Variants in EMILIN2 observed in about 807,000 individuals in gnomAD.
EMILIN2 encodes elastin microfibril interfacer 2.
Under a neutral mutation model 87.1 loss-of-function variants are expected in EMILIN2, and 71 were observed. The observed-to-expected ratio is 0.82, with a 90% CI of 0.67 to 0.99. EMILIN2 has a LOEUF of 0.99. Ranked by LOEUF, EMILIN2 falls within the 50% of genes least tolerant of loss-of-function variation. The pLI is 0.00. For missense variants in EMILIN2, 1,407 were observed against 1,371.8 expected (o/e 1.03, Z -0.40); for synonymous variants, 581 against 563.4 (o/e 1.03, Z -0.44).
At chr18:2,903,214 C>T (rs2076896034) in intron 4 of EMILIN2, among the ~76,000 whole-genome samples, 1 of 151,774 alleles carries the variant, frequency 6.6e-6, no homozygotes, top group Non-Finnish European at 1.5e-5. Flanking sequence ...GGCGTGTGCC[C>T]TGGGAGGCAG....
At chr18:2,912,959 A>T in intron 7 of EMILIN2, 108 bp from the exon 8 acceptor site, 1 of 1,150,786 alleles carries the variant, frequency 8.7e-7, no homozygotes, top group South Asian at 1.4e-5. Flanking sequence ...GGGAAGACAG[A>T]GATGGCTGGT....
intron 2 of EMILIN2, among the ~76,000 whole-genome samples, chr18:2,862,875 A>G (rs1422255665): frequency 6.6e-6 from 1 of 152,126 alleles, no homozygotes; most frequent in African/African-American, 2.4e-5. Flanking sequence ...TTTGAAATCT[A>G]TTAATTATTG....
chr18:2,887,118 A>G (rs1484759794), intron 3 of EMILIN2, among the ~76,000 whole-genome samples: 1 of 152,160 alleles, frequency 6.6e-6, no homozygotes, highest in African/African-American at 2.4e-5. Flanking sequence ...TTTTTATTCT[A>G]GCTTCAGAAA....
chr18:2,899,266 C>CA (rs2076877494), intron 4 of EMILIN2, among the ~76,000 whole-genome samples: 1 of 151,962 alleles, frequency 6.6e-6, no homozygotes, highest in South Asian at 2.1e-4. Context: ...AAGCTGTGCC[C>CA]AAAAAGAAAG....
intron 5 of EMILIN2, 102 bp downstream of exon 5, chr18:2,907,187 T>C: frequency 8.6e-7 from 1 of 1,163,304 alleles, no homozygotes. Flanking sequence ...GGTCCAGCCT[T>C]CGGGGGGGCA....
Position 2,848,071 on chromosome 18 carries a change from C to T in EMILIN2, c.257+140C>T. On this transcript the variant is annotated intron_variant, in intron 2 of 7. Transcript: ENST00000254528. The surrounding 1 kb of genome is among the most constrained non-coding windows in gnomAD (Gnocchi z 4.1). ...GAAAAGCCCGCAGCGGAAAAGCGCT[C>T]CGAGCGCTCGCGGGGCACCGGCCAC... 8.5e-7 allele frequency: 1 copy of T among 1,182,758 alleles called. No individual in the cohort carries two copies. Among genetic ancestry groups the T allele is most frequent in the South Asian group, 1.6e-5 (1 of 61,552 alleles). 73.3% of individuals were successfully genotyped at this position (1,182,758 alleles called of 1,614,324 possible).
chr18:2,860,999 A>AT (rs2076658231), intron 2 of EMILIN2, among the ~76,000 whole-genome samples: 1 of 152,034 alleles, frequency 6.6e-6, no homozygotes, highest in African/African-American at 2.4e-5. Context: ...GATGATGAGC[A>AT]TTTTTTCATG....
rs573661330 is a variant in EMILIN2, at chr18:2,902,571, G to A, written c.2360-4212G>A. The stretch of plus-strand genomic sequence containing the variant: ...TCAGGGGTGCACATGGTAAAGGCAC[G>A]AAGCCAGGGAAGTCACATGAGAGCT... On this transcript the variant is annotated intron_variant, in intron 4 of 7. Transcript: ENST00000254528. 4.2e-4 allele frequency among the ~76,000 whole-genome samples: 64 copies of A among 152,304 alleles called. 1 individual carries two copies. In the Middle Eastern group the frequency reaches 0.01, roughly 24 times the overall value.
At chr18:2,856,117 GTA>G (rs1302795477) in intron 2 of EMILIN2, among the ~76,000 whole-genome samples, 1 of 152,156 alleles carries the variant, frequency 6.6e-6, no homozygotes, top group Non-Finnish European at 1.5e-5. Flanking sequence ...GTATGTTCCT[GTA>G]ATTCCAGCTA....
At position 2,913,167 on chromosome 18, in the gene EMILIN2, C is replaced by T; in HGVS notation, c.2925C>T (p.Ala975=). The change falls in exon 8 of 8, where the codon GCC becomes GCT. Residue 975 remains alanine (A), a synonymous_variant. Transcript: ENST00000254528. ...AAGCAGTGCTGTCGGTCTCCAACGC[C>T]AGCGTGGCCCAGCTGCATACCGCTG... ...YVEAVLSVSN[A]SVAQLHTAGY... 6.2e-7 allele frequency: 1 copy of T among 1,614,054 alleles called. No individual in the cohort carries two copies. Among genetic ancestry groups the T allele is most frequent in the Non-Finnish European group, 8.5e-7 (1 of 1,180,030 alleles).
chr18:2,892,723 A>G (rs1313543906), intron 4 of EMILIN2, among the ~76,000 whole-genome samples: 1 of 151,668 alleles, frequency 6.6e-6, no homozygotes, highest in Non-Finnish European at 1.5e-5. Flanking sequence ...TAAGATAAAT[A>G]TATATTCTCA....
intron 2 of EMILIN2, among the ~76,000 whole-genome samples, chr18:2,879,684 A>G (rs184214656): frequency 2.0e-5 from 3 of 150,750 alleles, no homozygotes; most frequent in African/African-American, 7.3e-5. Context: ...ACCCCCCCCA[A>G]AAAAAGAAAG....
chr18:2,898,016 G>A (rs1403644505), intron 4 of EMILIN2, among the ~76,000 whole-genome samples: 1 of 152,138 alleles, frequency 6.6e-6, no homozygotes, highest in Non-Finnish European at 1.5e-5. Context: ...TATTCCCTAT[G>A]CAGTGTAGCC....
intron 2 of EMILIN2, among the ~76,000 whole-genome samples, chr18:2,875,792 C>G (rs1184678699): frequency 6.6e-6 from 1 of 152,228 alleles, no homozygotes. Flanking sequence ...ACTTCACTGT[C>G]TGCTGCAGCC....
In EMILIN2 at chr18:2,899,697, T is replaced by G. The variant is rs576275117; in HGVS notation, c.2360-7086T>G. ...TTTTGTATTTTTAGTAGAGACAGGGTTTCACCATGTTGGCCAGGCTGGTTT... is the reference window on the plus strand; with the variant it reads ...TTTTGTATTTTTAGTAGAGACAGGGGTTCACCATGTTGGCCAGGCTGGTTT... On this transcript the variant is annotated intron_variant, in intron 4 of 7. Transcript: ENST00000254528. Among the ~76,000 whole-genome samples the G allele has an allele frequency of 1.4e-4, 22 of 152,132 alleles. No homozygotes were observed. In the South Asian group the frequency reaches 4.2e-3, roughly 29 times the overall value.
At chr18:2,861,158 A>G (rs2076659204) in intron 2 of EMILIN2, among the ~76,000 whole-genome samples, 1 of 152,156 alleles carries the variant, frequency 6.6e-6, no homozygotes, top group South Asian at 2.1e-4. Flanking sequence ...AGTAGATTGC[A>G]AAAATGTTCT....
intron 4 of EMILIN2, chr18:2,906,111 T>G (rs1436510792): frequency 6.6e-6 from 1 of 152,114 alleles, no homozygotes; most frequent in African/African-American, 2.4e-5. Context: ...CCGGGTATTG[T>G]CAGGCGTCCC....
intron 7 of EMILIN2, 47 bp downstream of exon 7, chr18:2,909,866 C>T (rs751163458): frequency 1.8e-5 from 29 of 1,593,626 alleles, no homozygotes; most frequent in South Asian, 9.1e-5. Flanking sequence ...CCTACCCCAA[C>T]GCAGGTGGGA....
chr18:2,906,640 C>A, intron 4 of EMILIN2, 143 bp from the exon 5 acceptor site: 1 of 638,056 alleles, frequency 1.6e-6, no homozygotes, highest in Non-Finnish European at 2.2e-6. Flanking sequence ...GCCCGTGTGT[C>A]CCGCTGGCCT....
Sources: allele counts gnomAD v4.1 joint callset (sites outside exome capture counted in the v4.1 genomes callset), GRCh38; gene constraint gnomAD v4.1.1; non-coding constraint Gnocchi (gnomAD v3.1); transcripts MANE v1.5; gene names NCBI Gene and HGNC (gene_info 2026-07-23, HGNC 2026-07-21).